NAALADL2: variants seen among roughly 807,000 people sequenced by gnomAD.
NAALADL2 encodes N-acetylated alpha-linked acidic dipeptidase like 2, also known as inactive N-acetylated-alpha-linked acidic dipeptidase-like protein 2.
Under a neutral mutation model 87.2 loss-of-function variants are expected in NAALADL2, and 76 were observed. The observed-to-expected ratio is 0.87, with a 90% CI of 0.72 to 1.05. NAALADL2 has a LOEUF of 1.05. Among genes scored for constraint, NAALADL2 ranks in the 50% least tolerant of loss-of-function variants. The pLI is 0.00. For synonymous variants in NAALADL2, 354 were observed against 331.0 expected (o/e 1.07, Z -0.75); for missense variants, 1,089 against 945.8 (o/e 1.15, Z -1.99).
intron 1 of NAALADL2, among the ~76,000 whole-genome samples, chr3:174,961,317 A>G (rs536756533): frequency 4.0e-5 from 6 of 151,700 alleles, no homozygotes; most frequent in African/African-American, 1.4e-4. Context: ...TTAGATTTCT[A>G]TGTAAGATAT....
chr3:174,881,432 T>A (rs1729179809), intron 1 of NAALADL2, among the ~76,000 whole-genome samples: 1 of 152,136 alleles, frequency 6.6e-6, no homozygotes, highest in African/African-American at 2.4e-5. Context: ...CATACCATAA[T>A]CAAATTTACT....
At chr3:175,282,673 T>C (rs1411996271) in intron 4 of NAALADL2, among the ~76,000 whole-genome samples, 1 of 152,030 alleles carries the variant, frequency 6.6e-6, no homozygotes, top group African/African-American at 2.4e-5. Flanking sequence ...TAAGGAAAGT[T>C]TGAGTAATAT....
intron 11 of NAALADL2, among the ~76,000 whole-genome samples, chr3:175,689,742 A>C (rs973396133): frequency 2.6e-5 from 4 of 152,106 alleles, no homozygotes; most frequent in African/African-American, 9.7e-5. Flanking sequence ...TCATTCTAAC[A>C]TTCTTATTTT....
intron 2 of NAALADL2, among the ~76,000 whole-genome samples, chr3:175,207,493 G>T (rs1395919086): frequency 6.6e-6 from 1 of 152,010 alleles, no homozygotes; most frequent in Non-Finnish European, 1.5e-5. Flanking sequence ...TATTTTTCAG[G>T]ATTAGACATT....
At chr3:175,045,997 A>G (rs1754621252) in intron 1 of NAALADL2, among the ~76,000 whole-genome samples, 1 of 148,850 alleles carries the variant, frequency 6.7e-6, no homozygotes, top group East Asian at 2.0e-4. Context: ...AACCGTTAAT[A>G]TGTCTAGACT....
intron 10 of NAALADL2, among the ~76,000 whole-genome samples, chr3:175,587,927 A>C (rs1720776535): frequency 6.6e-6 from 1 of 152,048 alleles, no homozygotes; most frequent in Non-Finnish European, 1.5e-5. Context: ...GAGATGATAC[A>C]CCTGGGGAAG....
At chr3:174,527,395 T>A (rs1169999982) in intron 1 of NAALADL2, among the ~76,000 whole-genome samples, 1 of 151,848 alleles carries the variant, frequency 6.6e-6, no homozygotes, top group Non-Finnish European at 1.5e-5. Flanking sequence ...GGCACATGAC[T>A]GTAATCCCAG....
At chr3:174,548,766 A>C (rs1404673111) in intron 1 of NAALADL2, among the ~76,000 whole-genome samples, 4 of 152,188 alleles carry the variant, frequency 2.6e-5, no homozygotes, top group Non-Finnish European at 5.9e-5. Flanking sequence ...CAGTTACCTG[A>C]GTCGACTCTC....
At chr3:174,812,696 A>G (rs777061295) in intron 3 of NAALADL2, among the ~76,000 whole-genome samples, 9 of 152,026 alleles carry the variant, frequency 5.9e-5, no homozygotes, top group Non-Finnish European at 1.2e-4. Context: ...GACAAGATGC[A>G]TGGGTGGAAG....
rs963435012 is a variant in NAALADL2, at chr3:175,808,297, G to A, written c.*5094G>A. 1 of 151,906 alleles carries A rather than the reference G, an allele frequency of 6.6e-6. No homozygotes were observed. The highest frequency in any genetic ancestry group is 1.5e-5 in the Non-Finnish European group (1 of 67,934). The allele number at this position is 151,906 out of a possible 1,614,324, so 9.4% of individuals were successfully genotyped here. On this transcript the variant is annotated 3_prime_UTR_variant, in exon 14 of 14. Transcript: ENST00000454872. ...TTGAGGCAGTTTCAAGCAGCATTTA[G>A]GAAAATGAAGTGGCTTCAAATTTTA...
At chr3:175,070,121 C>T (rs1715345454) in intron 1 of NAALADL2, among the ~76,000 whole-genome samples, 2 of 149,918 alleles carry the variant, frequency 1.3e-5, no homozygotes, top group South Asian at 4.2e-4. Context: ...ATGTAACTAA[C>T]CTGCACATTG....
chr3:175,693,409 A>G (rs1023818405), intron 11 of NAALADL2, among the ~76,000 whole-genome samples: 4 of 152,172 alleles, frequency 2.6e-5, no homozygotes, highest in African/African-American at 9.7e-5. Context: ...CACTCAGGCA[A>G]ACAAAGACAG....
At chr3:175,054,978 T>TC (rs142647490) in intron 1 of NAALADL2, among the ~76,000 whole-genome samples, 17,064 of 152,190 alleles carry the variant, frequency 0.11, 1,095 homozygotes, top group East Asian at 0.21. Context: ...TTGATATACT[T>TC]CGGGGGCTTT....
At chr3:174,666,185 A>T (rs1725938792) in intron 2 of NAALADL2, among the ~76,000 whole-genome samples, 1 of 152,214 alleles carries the variant, frequency 6.6e-6, no homozygotes, top group African/African-American at 2.4e-5. Flanking sequence ...AGCATAAAAT[A>T]GCATGTAAGT....
intron 10 of NAALADL2, among the ~76,000 whole-genome samples, chr3:175,605,652 T>TTTTGTTTTTTG (rs1560837793): frequency 2.7e-5 from 4 of 150,614 alleles, no homozygotes; most frequent in African/African-American, 9.7e-5. Flanking sequence ...TTTTTTTTTT[T>TTTTGTTTTTTG]TTTTAACTGT....
At position 175,666,565 on chromosome 3, in the gene NAALADL2, G is replaced by T. The variant is rs185165958; in HGVS notation, c.1896+39179G>T. On this transcript the variant is annotated intron_variant, in intron 11 of 13. Transcript: ENST00000454872. The stretch of plus-strand genomic sequence containing the variant: ...ACCAATATAACATGAAAAGCTTCTG[G>T]CTGGAAATTTAAACAAAAAATATCA... Among the ~76,000 whole-genome samples, 5 of 152,136 alleles carry T rather than the reference G, an allele frequency of 3.3e-5. No homozygotes were observed. In the East Asian group the frequency reaches 9.7e-4, roughly 29 times the overall value.
At chr3:174,866,060 G>A (rs918123176) in intron 1 of NAALADL2, among the ~76,000 whole-genome samples, 1 of 151,806 alleles carries the variant, frequency 6.6e-6, no homozygotes, top group African/African-American at 2.4e-5. Flanking sequence ...CCTCCTAGCA[G>A]CCAAAAGAAA....
intron 3 of NAALADL2, among the ~76,000 whole-genome samples, chr3:174,818,437 T>G (rs1721034312): frequency 6.6e-6 from 1 of 152,134 alleles, no homozygotes; most frequent in Non-Finnish European, 1.5e-5. Flanking sequence ...AGCTGGAATA[T>G]TTTTGAAATC....
At chr3:174,526,370 C>G in intron 1 of NAALADL2, among the ~76,000 whole-genome samples, 1 of 152,154 alleles carries the variant, frequency 6.6e-6, no homozygotes, top group Non-Finnish European at 1.5e-5. Context: ...GTGACTTTGG[C>G]ATGCTTTACA....
Sources: allele counts gnomAD v4.1 joint callset (sites outside exome capture counted in the v4.1 genomes callset), GRCh38; gene constraint gnomAD v4.1.1; transcripts MANE v1.5; gene names NCBI Gene and HGNC (gene_info 2026-07-23, HGNC 2026-07-21).